The following HNRNPH3 variants were observed in gnomAD, a reference collection of about 807,000 sequenced individuals.
HNRNPH3 encodes the protein heterogeneous nuclear ribonucleoprotein H3.
HNRNPH3 carries 7 observed loss-of-function variants against 47.0 expected under a neutral mutation model. The ratio of observed to expected loss-of-function variants is 0.15; its 90% CI spans 0.08 to 0.28. The LOEUF (loss-of-function observed/expected upper bound fraction) is 0.28. Ranked by LOEUF, HNRNPH3 falls within the 10% of genes least tolerant of loss-of-function variation. The pLI, the probability that HNRNPH3 is intolerant of heterozygous loss-of-function variation, is 1.00. For synonymous variants in HNRNPH3, 120 were observed against 143.2 expected (o/e 0.84, Z 1.16); for missense variants, 279 against 449.6 (o/e 0.62, Z 3.43).
rs143515503 is a variant in HNRNPH3 at position 68,338,966 on chromosome 10, C to G, written c.437-174C>G. On this transcript the variant is annotated intron_variant, in intron 4 of 9. Transcript: ENST00000265866. ...TACATGTCTGAACTTAATTAACTTT[C>G]TGAGATTTTAAATTTCCATCACGTT... The G allele has an allele frequency of 2.0e-3, 1,122 of 551,436 alleles. 21 individuals are homozygous for G. The East Asian group carries it at 0.033, about 16-fold the overall frequency. 34.2% of individuals were successfully genotyped at this position (551,436 alleles called of 1,614,324 possible). A position where few individuals can be genotyped will look rare whatever the true frequency, so the allele number is the denominator to read the frequency against.
In HNRNPH3 at chr10:68,341,853, T is replaced by C. The variant is rs111434178; in HGVS notation, c.964+2T>C. The C allele has an allele frequency of 6.2e-7, 1 of 1,606,820 alleles. No individual in the cohort carries two copies. The highest frequency in any genetic ancestry group is 8.5e-7 in the Non-Finnish European group (1 of 1,174,278). On this transcript the variant is annotated splice_donor_variant, in intron 9 of 9. Transcript: ENST00000265866. LOFTEE classifies it high-confidence loss of function. The stretch of plus-strand genomic sequence containing the variant: ...CTCCTGATGGTTTGGGTGGTTATGG[T>C]AAGTATCTCTAGTTCAGTTTGTGTT...
Position 68,339,426 on chromosome 10 carries a change from A to G in HNRNPH3, c.524-14A>G, listed in dbSNP as rs757752557. The G allele has an allele frequency of 1.2e-6, 2 of 1,605,764 alleles. No homozygotes were observed. The highest frequency in any genetic ancestry group is 1.7e-6 in the Non-Finnish European group (2 of 1,172,710). Reference sequence around the variant, plus strand: ...CTGTAATAGTTTATAATCTTGGCAAATTGTGTTTTCCAGGTATGGGAGGAC... The same window carrying G: ...CTGTAATAGTTTATAATCTTGGCAAGTTGTGTTTTCCAGGTATGGGAGGAC... On this transcript the variant is annotated splice_polypyrimidine_tract_variant and intron_variant, in intron 5 of 9. Transcript: ENST00000265866.
chr10:68,339,021 G>A, intron 4 of HNRNPH3, 119 bp from the exon 5 acceptor site: 2 of 714,746 alleles, frequency 2.8e-6, no homozygotes, highest in Admixed American at 2.9e-5. Flanking sequence ...TTTAAGTTGG[G>A]AATTGCAAAC....
At chr10:68,333,803 A>T (rs530320737) in intron 1 of HNRNPH3, among the ~76,000 whole-genome samples, 3 of 152,288 alleles carry the variant, frequency 2.0e-5, no homozygotes, top group African/African-American at 7.2e-5. Flanking sequence ...AAAAACAAAA[A>T]CTTATTATTA....
At chr10:68,341,541 C>T (rs199625824) in intron 7 of HNRNPH3, 44 bp from the exon 8 acceptor site, 15 of 1,312,112 alleles carry the variant, frequency 1.1e-5, no homozygotes, top group Middle Eastern at 1.9e-4. Flanking sequence ...GAATTTTATC[C>T]ATCATTCCTT....
chr10:68,342,776 A>T lies in HNRNPH3; in HGVS notation c.*722A>T, dbSNP rs754076394. ...ATTGATAGTTGCAGGTTATCGCAAG[A>T]TGTCTTAGAGTAGGGTTAAGGTTCT... On this transcript the variant is annotated 3_prime_UTR_variant, in exon 10 of 10. Transcript: ENST00000265866. The T allele has an allele frequency of 1.3e-5, 2 of 152,656 alleles. No individual in the cohort carries two copies. Among genetic ancestry groups the T allele is most frequent in the African/African-American group, 2.4e-5 (1 of 41,454 alleles). 9.5% of individuals were successfully genotyped at this position (152,656 alleles called of 1,614,324 possible).
chr10:68,342,314 A>C lies in HNRNPH3; in HGVS notation c.*260A>C, dbSNP rs2046014817. On this transcript the variant is annotated 3_prime_UTR_variant, in exon 10 of 10. Transcript: ENST00000265866. Reference sequence around the variant, plus strand: ...TTTTATATACTAGTTACTCCTAAAGATGTGCTGCCTTCATAAGATTTGGGT... The same window carrying C: ...TTTTATATACTAGTTACTCCTAAAGCTGTGCTGCCTTCATAAGATTTGGGT... 2.9e-6 allele frequency: 1 copy of C among 350,620 alleles called. No homozygotes were observed. Among genetic ancestry groups the C allele is most frequent in the Admixed American group, 4.3e-5 (1 of 23,026 alleles). The allele number at this position is 350,620 out of a possible 1,614,324, so 21.7% of individuals were successfully genotyped here. A position where few individuals can be genotyped will look rare whatever the true frequency, so the allele number is the denominator to read the frequency against.
rs779872810 is a variant in HNRNPH3 at position 68,342,046 on chromosome 10, A to T, written c.1033A>T (p.Met345Leu). Residue 345 changes from methionine to leucine, a missense_variant, in exon 10 of 10, where the codon ATG (methionine) becomes TTG (leucine). Around this residue, in one of 2 missense-constraint regions of HNRNPH3, gnomAD observed 239 missense variants for 335.8 expected, o/e 0.71. Transcript: ENST00000265866. Reference protein sequence around the residue: ...GGMSGGGWRGMY With the variant: ...GGMSGGGWRGLY ...CATGAGTGGAGGTGGATGGCGTGGG[A>T]TGTACTGAAAGCAAAAACACCAACA... 3 of 1,612,876 alleles carry T rather than the reference A, an allele frequency of 1.9e-6. No individual in the cohort carries two copies.
rs144723762 is a variant in HNRNPH3, at chr10:68,341,230, A to G, written c.696A>G (p.Arg232=). 3.4e-3 allele frequency: 5,480 copies of G among 1,602,824 alleles called. 13 individuals are homozygous for G. The highest frequency in any genetic ancestry group is 0.011 in the Middle Eastern group (68 of 6,034). Reference sequence around the variant, plus strand: ...ATATTGATATTGGAGCTGATGGCAGAGCCACAGGAGAAGCAGATGTAGAGT... The same window carrying G: ...ATATTGATATTGGAGCTGATGGCAGGGCCACAGGAGAAGCAGATGTAGAGT... ...RVHIDIGADG[R]ATGEADVEFV... is the part of the protein sequence containing the mutation. Residue 232 remains arginine (R), a synonymous_variant, in exon 7 of 10, where the codon AGA becomes AGG. Transcript: ENST00000265866.
chr10:68,339,580 G>T lies in HNRNPH3; in HGVS notation c.639+25G>T, dbSNP rs536471391. The stretch of plus-strand genomic sequence containing the variant: ...TGTGAGTAATTTTTAATAACTATTA[G>T]TGGTTTTATACTTATCCTGGTGTCT... On this transcript the variant is annotated intron_variant, in intron 6 of 9. Coordinates refer to ENST00000265866, the MANE Select transcript of HNRNPH3 (RefSeq NM_012207.3). 7.8e-6 allele frequency: 11 copies of T among 1,405,692 alleles called. No homozygotes were observed. The South Asian group carries it at 1.3e-4, about 16-fold the overall frequency. The allele number at this position is 1,405,692 out of a possible 1,614,324, so 87.1% of individuals were successfully genotyped here.
intron 6 of HNRNPH3, among the ~76,000 whole-genome samples, chr10:68,339,825 C>A (rs1217835346): frequency 6.6e-6 from 1 of 151,720 alleles, no homozygotes; most frequent in Admixed American, 6.6e-5. Flanking sequence ...ACTATAGGTG[C>A]CCGCCACCAC....
chr10:68,338,605 A>G lies in HNRNPH3; in HGVS notation c.354A>G (p.Ile118Met), dbSNP rs772860491. ...GACCGGGACCATATGATAGACCAAT[A>G]GGAGGAAGAGGGGGTTATTATGGAG... ...GQRPGPYDRPIGGRGGYYGAG... is the reference protein window; with the variant it reads ...GQRPGPYDRPMGGRGGYYGAG... The change falls in exon 4 of 10, where the codon ATA (isoleucine) becomes ATG (methionine). Residue 118 changes from isoleucine (I) to methionine (M), a missense_variant. By Grantham distance (10) the Ile-to-Met change is conservative. Transcript: ENST00000265866. The G allele has an allele frequency of 1.2e-6, 2 of 1,613,404 alleles. No individual in the cohort carries two copies. Among genetic ancestry groups the G allele is most frequent in the South Asian group, 2.2e-5 (2 of 91,010 alleles).
Position 68,341,604 on chromosome 10 carries a change from C to A in HNRNPH3, c.795C>A (p.Leu265=), listed in dbSNP as rs1310731531. ...KNNMQHRYIE[L]FLNSTPGGGS... is the part of the protein sequence containing the mutation. The stretch of plus-strand genomic sequence containing the variant: ...TTAAAGAACATCGATATATTGAACT[C>A]TTCTTGAATTCTACTCCTGGAGGCG... The change falls in exon 8 of 10, where the codon CTC becomes CTA. Residue 265 remains leucine (L), a synonymous_variant. Coordinates refer to ENST00000265866, the MANE Select transcript of HNRNPH3 (RefSeq NM_012207.3). 6.2e-7 allele frequency: 1 copy of A among 1,611,990 alleles called. No homozygotes were observed.
intron 1 of HNRNPH3, among the ~76,000 whole-genome samples, chr10:68,334,354 C>T (rs771355984): frequency 9.2e-5 from 14 of 152,112 alleles, no homozygotes; most frequent in Non-Finnish European, 2.1e-4. Context: ...TAGGCTATGC[C>T]TCCGTGTTAA....
At position 68,343,027 on chromosome 10, in the gene HNRNPH3, T is replaced by G. The variant is rs939670011; in HGVS notation, c.*973T>G. 1 of 152,236 alleles carries G rather than the reference T, an allele frequency of 6.6e-6. No individual in the cohort carries two copies. Among genetic ancestry groups the G allele is most frequent in the African/African-American group, 2.4e-5 (1 of 41,468 alleles). 9.4% of individuals were successfully genotyped at this position (152,236 alleles called of 1,614,324 possible). On this transcript the variant is annotated 3_prime_UTR_variant, in exon 10 of 10. Coordinates refer to ENST00000265866, the MANE Select transcript of HNRNPH3 (RefSeq NM_012207.3). ...AGTTTTAGTTTAAAGAATCTATATGTAGCAAGGAAAAGGTGCTTTTTAATT... is the reference window on the plus strand; with the variant it reads ...AGTTTTAGTTTAAAGAATCTATATGGAGCAAGGAAAAGGTGCTTTTTAATT...
rs1317090887 is a variant in HNRNPH3 at position 68,339,169 on chromosome 10, TATA to T, written c.472_474del (p.Asn158del). 9.3e-6 allele frequency: 15 copies of T among 1,610,690 alleles called. No individual in the cohort carries two copies. In the East Asian group the frequency reaches 2.5e-4, roughly 26 times the overall value. On this transcript the variant is annotated inframe_deletion, in exon 5 of 10. Transcript: ENST00000265866. ...TGGAGGTTTTGATGACTATGGTGGC[TATA>T]ATAATTACGGCTATGGGAATGATGG...
chr10:68,333,585 T>A (rs2045348688), intron 1 of HNRNPH3, among the ~76,000 whole-genome samples: 1 of 152,172 alleles, frequency 6.6e-6, no homozygotes, highest in Non-Finnish European at 1.5e-5. Context: ...AATCGTATTT[T>A]AAACAAGGGA....
rs776610586 is a variant in HNRNPH3 at position 68,341,194 on chromosome 10, A to G, written c.660A>G (p.Pro220=). ...TTTAGTTCTTCTCACCACTAAATCC[A>G]ATACGAGTTCATATTGATATTGGAG... is the stretch of plus-strand genomic sequence containing the variant. The part of the protein sequence containing the change: ...DIANFFSPLN[P]IRVHIDIGAD... Residue 220 remains proline (P), a synonymous_variant, in exon 7 of 10, where the codon CCA becomes CCG. Coordinates refer to ENST00000265866, the MANE Select transcript of HNRNPH3 (RefSeq NM_012207.3). 3.8e-6 allele frequency: 6 copies of G among 1,582,160 alleles called. No individual in the cohort carries two copies.
intron 7 of HNRNPH3, 114 bp from the exon 8 acceptor site, chr10:68,341,471 T>A (rs1294476505): frequency 8.0e-6 from 8 of 994,354 alleles, no homozygotes; most frequent in Non-Finnish European, 1.2e-5. Context: ...TACTAGTAAT[T>A]AATAAGCATA....
Sources: gnomAD v4.1 joint callset for allele counts (sites outside exome capture counted in the v4.1 genomes callset) on GRCh38, gnomAD v4.1.1 for gene constraint, gnomAD v4.1.1 regional missense constraint, MANE v1.5 for transcripts, NCBI Gene and HGNC (gene_info 2026-07-23, HGNC 2026-07-21) for gene names.